FXR2: variants seen among roughly 807,000 people sequenced by gnomAD.
FXR2 encodes the protein FMR1 autosomal homolog 2.
FXR2 carries 9 observed loss-of-function variants against 87.3 expected under a neutral mutation model. The ratio of observed to expected loss-of-function variants is 0.10; its 90% CI spans 0.06 to 0.18. The LOEUF (loss-of-function observed/expected upper bound fraction) is 0.18. Ranked by LOEUF, FXR2 falls within the 10% of genes least tolerant of loss-of-function variation. The probability of loss-of-function intolerance (pLI) is 1.00; values close to 1 mark genes in which losing one functional copy is unlikely to be tolerated. For synonymous variants in FXR2, 331 were observed against 328.3 expected (o/e 1.01, Z -0.09); for missense variants, 661 against 893.6 (o/e 0.74, Z 3.32).
chr17:7,607,050 GGCTCACGCCTATAATCCCA>G (rs1184763000), intron 1 of FXR2, among the ~76,000 whole-genome samples: 8 of 152,186 alleles, frequency 5.3e-5, no homozygotes, highest in African/African-American at 1.9e-4. Flanking sequence ...CAGGCACAGT[GGCTCACGCCTATAATCCCA>G]GCACTTTGGG....
At chr17:7,602,567 C>CAA (rs59331217) in intron 6 of FXR2, among the ~76,000 whole-genome samples, 2 of 123,484 alleles carry the variant, frequency 1.6e-5, no homozygotes, top group African/African-American at 5.9e-5. Flanking sequence ...GATTCCATCT[C>CAA]AAAAAAAAAA....
In FXR2 at chr17:7,605,805, G is replaced by A. The variant is rs1597878718; in HGVS notation, c.135-67C>T. 4.3e-6 allele frequency: 4 copies of A among 940,958 alleles called. No homozygotes were observed. In the East Asian group the frequency reaches 1.0e-4, roughly 24 times the overall value. 58.3% of individuals were successfully genotyped at this position (940,958 alleles called of 1,614,324 possible). ...TATGGTTGCCCATTTCTTTACAAAAGGGTTATTGCCTCAGCTGGGCGAGTT... is the reference window on the plus strand; with the variant it reads ...TATGGTTGCCCATTTCTTTACAAAAAGGTTATTGCCTCAGCTGGGCGAGTT... On this transcript the variant is annotated intron_variant, in intron 2 of 16. Coordinates refer to ENST00000250113, the MANE Select transcript of FXR2 (RefSeq NM_004860.4).
chr17:7,607,004 C>T (rs753465228), intron 1 of FXR2, among the ~76,000 whole-genome samples: 8 of 152,134 alleles, frequency 5.3e-5, no homozygotes, highest in Non-Finnish European at 1.0e-4. Flanking sequence ...ATCAACTGTG[C>T]TTTTGGTTTC....
intron 1 of FXR2, among the ~76,000 whole-genome samples, chr17:7,612,714 T>TCA (rs2071878560): frequency 6.6e-6 from 1 of 151,866 alleles, no homozygotes; most frequent in African/African-American, 2.4e-5. Context: ...ATGACTACAA[T>TCA]GGCCGGGCGC....
At chr17:7,596,912 C>T (rs145311274) in intron 7 of FXR2, among the ~76,000 whole-genome samples, 35 of 152,116 alleles carry the variant, frequency 2.3e-4, no homozygotes, top group African/African-American at 7.5e-4. Flanking sequence ...ACCATCCTGC[C>T]AACATAGTGA....
intron 1 of FXR2, among the ~76,000 whole-genome samples, chr17:7,609,430 T>A (rs1188331965): frequency 6.6e-6 from 1 of 152,188 alleles, no homozygotes; most frequent in African/African-American, 2.4e-5. Context: ...GAATGTTCTT[T>A]CTTAGAGCCT....
intron 3 of FXR2, among the ~76,000 whole-genome samples, chr17:7,604,507 C>G (rs1214195433): frequency 6.6e-6 from 1 of 151,784 alleles, no homozygotes; most frequent in African/African-American, 2.4e-5. Flanking sequence ...GCCTGGCCAA[C>G]ATGGTAAAAC....
At chr17:7,614,181 GGGAGCGCCAAGCCA>G (rs2071911230) in intron 1 of FXR2, 1 of 661,922 alleles carries the variant, frequency 1.5e-6, no homozygotes, top group Non-Finnish European at 2.8e-6. Context: ...CTGCGGAGCG[GGGAGCGCCAAGCCA>G]GGGACAATAA....
At chr17:7,600,288 T>G (rs1270981473) in intron 7 of FXR2, among the ~76,000 whole-genome samples, 1 of 151,594 alleles carries the variant, frequency 6.6e-6, no homozygotes, top group East Asian at 1.9e-4. Context: ...AACCTCCACT[T>G]CCCAGGTTCA....
Position 7,602,915 on chromosome 17 carries a change from G to A in FXR2, c.537C>T (p.Phe179=). ...TCAGGCAGAATAAACTCACCAGAAT[G>A]AAGAGCTCACTGTTTGTGATGTTGA... ...IFLNITNSEL[F]ILSTTEAPVK... Residue 179 remains phenylalanine (F), a synonymous_variant, in exon 6 of 17, where the codon TTC becomes TTT. Transcript: ENST00000250113. 4 of 1,470,210 alleles carry A rather than the reference G, an allele frequency of 2.7e-6. No homozygotes were observed. The highest frequency in any genetic ancestry group is 2.9e-6 in the Non-Finnish European group (3 of 1,050,598). 91.1% of individuals were successfully genotyped at this position (1,470,210 alleles called of 1,614,324 possible).
At position 7,612,310 on chromosome 17, in the gene FXR2, A is replaced by AG. The variant is rs1046425148; in HGVS notation, c.81+2141dup. 3.9e-5 allele frequency among the ~76,000 whole-genome samples: 6 copies of AG among 152,304 alleles called. 1 individual carries two copies. Among genetic ancestry groups the AG allele is most frequent in the African/African-American group, 1.4e-4 (6 of 41,558 alleles). ...GGAAAAGATACCAAGGTAAACAGGGAGGGCCACTTTAGGAAGCTATTTCAA... is the reference window on the plus strand; with the variant it reads ...GGAAAAGATACCAAGGTAAACAGGGAGGGGCCACTTTAGGAAGCTATTTCAA... On this transcript the variant is annotated intron_variant, in intron 1 of 16. Coordinates refer to ENST00000250113, the MANE Select transcript of FXR2 (RefSeq NM_004860.4).
At chr17:7,598,273 A>G (rs556927156) in intron 7 of FXR2, among the ~76,000 whole-genome samples, 1 of 151,924 alleles carries the variant, frequency 6.6e-6, no homozygotes, top group African/African-American at 2.4e-5. Context: ...ACACGGTGAA[A>G]CCCCATCTCT....
intron 7 of FXR2, among the ~76,000 whole-genome samples, chr17:7,598,316 G>A (rs986234195): frequency 6.6e-6 from 1 of 152,090 alleles, no homozygotes; most frequent in Non-Finnish European, 1.5e-5. Flanking sequence ...TCAGCCGGGC[G>A]TGGTGGCAGG....
chr17:7,591,912 C>T lies in FXR2; in HGVS notation c.1940G>A (p.Ser647Asn). The T allele has an allele frequency of 6.3e-7, 1 of 1,590,982 alleles. No individual in the cohort carries two copies. Among genetic ancestry groups the T allele is most frequent in the Non-Finnish European group, 8.6e-7 (1 of 1,159,398 alleles). Residue 647 changes from serine (S) to asparagine (N), a missense_variant, in exon 17 of 17, where the codon AGC becomes AAC. Physicochemically the swap from Ser to Asn is conservative, Grantham distance 46. Coordinates refer to ENST00000250113, the MANE Select transcript of FXR2 (RefSeq NM_004860.4). The surrounding 1 kb of genome is among the most constrained non-coding windows in gnomAD (Gnocchi z 4.0). Reference protein sequence around the residue: ...SLSGQKGDSVSKLPKGPSENG... With the variant: ...SLSGQKGDSVNKLPKGPSENG... Reference sequence around the variant, plus strand: ...CTCCGAGGGGCCCTTAGGAAGCTTGCTGACAGAGTCACCCTGAGGGGAAAG... The same window carrying T: ...CTCCGAGGGGCCCTTAGGAAGCTTGTTGACAGAGTCACCCTGAGGGGAAAG...
Position 7,592,910 on chromosome 17 carries a change from A to G in FXR2, c.1529-16T>C, listed in dbSNP as rs769545191. 26 of 1,556,206 alleles carry G rather than the reference A, an allele frequency of 1.7e-5. No individual in the cohort carries two copies. The highest frequency in any genetic ancestry group is 2.7e-5 in the African/African-American group (2 of 72,924). On this transcript the variant is annotated splice_polypyrimidine_tract_variant and intron_variant, in intron 13 of 16. Transcript: ENST00000250113. This position sits in a 1 kb window ranked among gnomAD's most constrained non-coding sequence, Gnocchi z 4.8. ...TCCTTCAGCACTGGTCAGAGGAAGA[A>G]GAGGAGGAGTTGGCAGTCAGGTGCC...
chr17:7,605,965 ATCCATATGAGT>A, intron 2 of FXR2, 121 bp downstream of exon 2: 1 of 686,308 alleles, frequency 1.5e-6, no homozygotes, highest in Non-Finnish European at 2.5e-6. Flanking sequence ...CTCTCCTGGG[ATCCATATGAGT>A]TCCCACCCAA....
At position 7,594,291 on chromosome 17, in the gene FXR2, C is replaced by A; in HGVS notation, c.967G>T (p.Val323Leu). Reference protein sequence around the residue: ...VIQEIVDKSGVVRVRVEGDND... With the variant: ...VIQEIVDKSGLVRVRVEGDND... Reference sequence around the variant, plus strand: ...TCACCTTCCACTCGAACCCTCACCACACCAGATTTATCCACAATCTCCTGG... The same window carrying A: ...TCACCTTCCACTCGAACCCTCACCAAACCAGATTTATCCACAATCTCCTGG... Residue 323 changes from valine (V) to leucine (L), a missense_variant, in exon 10 of 17, where the codon GTG becomes TTG. By Grantham distance (32) the Val-to-Leu change is conservative. Coordinates refer to ENST00000250113, the MANE Select transcript of FXR2 (RefSeq NM_004860.4). This position sits in a 1 kb window ranked among gnomAD's most constrained non-coding sequence, Gnocchi z 5.1. 4 of 1,613,534 alleles carry A rather than the reference C, an allele frequency of 2.5e-6. No individual in the cohort carries two copies. The highest frequency in any genetic ancestry group is 3.4e-6 in the Non-Finnish European group (4 of 1,179,452).
At position 7,593,822 on chromosome 17, in the gene FXR2, G is replaced by A; in HGVS notation, c.1107+96C>T. 1.1e-6 allele frequency: 1 copy of A among 905,010 alleles called. No homozygotes were observed. The allele number at this position is 905,010 out of a possible 1,614,324, so 56.1% of individuals were successfully genotyped here. A position where few individuals can be genotyped will look rare whatever the true frequency, so the allele number is the denominator to read the frequency against. The stretch of plus-strand genomic sequence containing the variant: ...CCACAGATGTTTTCTGTTCTACACG[G>A]AGAGACAAACAGAGAACCAAAATCC... On this transcript the variant is annotated intron_variant, in intron 11 of 16. Coordinates refer to ENST00000250113, the MANE Select transcript of FXR2 (RefSeq NM_004860.4). The surrounding 1 kb of genome is among the most constrained non-coding windows in gnomAD (Gnocchi z 6.1).
Position 7,591,872 on chromosome 17 carries a change from G to A in FXR2, c.1980C>T (p.Ser660=), listed in dbSNP as rs774340073. The change falls in exon 17 of 17, where the codon TCC becomes TCT. Residue 660 remains serine, a synonymous_variant. Coordinates refer to ENST00000250113, the MANE Select transcript of FXR2 (RefSeq NM_004860.4). This position sits in a 1 kb window ranked among gnomAD's most constrained non-coding sequence, Gnocchi z 4.0. ...PKGPSENGEL[S]APLELGSMVN... is the part of the protein sequence containing the mutation. ...CCATACTACCCAACTCCAAGGGGGCGGAGAGCTCCCCATTCTCCGAGGGGC... is the reference window on the plus strand; with the variant it reads ...CCATACTACCCAACTCCAAGGGGGCAGAGAGCTCCCCATTCTCCGAGGGGC... The A allele has an allele frequency of 2.1e-5, 34 of 1,605,370 alleles. No individual in the cohort carries two copies. The African/African-American group carries it at 3.1e-4, about 15-fold the overall frequency.
Sources: gnomAD v4.1 joint callset for allele counts (sites outside exome capture counted in the v4.1 genomes callset) on GRCh38, gnomAD v4.1.1 for gene constraint, Gnocchi (gnomAD v3.1) non-coding constraint, MANE v1.5 for transcripts, NCBI Gene and HGNC (gene_info 2026-07-23, HGNC 2026-07-21) for gene names.